The following FETUB variants were observed in gnomAD, a reference collection of about 807,000 sequenced individuals.
The protein encoded by FETUB is fetuin B.
Under a neutral mutation model 30.9 loss-of-function variants are expected in FETUB, and 28 were observed. The ratio of observed to expected loss-of-function variants is 0.90; its 90% CI spans 0.67 to 1.24. FETUB has a LOEUF of 1.24. Among genes scored for constraint, FETUB ranks in the 50% most tolerant of loss-of-function variants. The pLI, the probability that FETUB is intolerant of heterozygous loss-of-function variation, is 0.00. For synonymous variants in FETUB, 186 were observed against 175.9 expected (o/e 1.06, Z -0.45); for missense variants, 469 against 455.3 (o/e 1.03, Z -0.27).
intron 1 of FETUB, 58 bp from the exon 2 acceptor site, chr3:186,640,972 T>C (rs913752005): frequency 2.0e-5 from 22 of 1,119,344 alleles, no homozygotes; most frequent in Non-Finnish European, 3.0e-5. Flanking sequence ...TTTTGTGTGG[T>C]CTTTCTAGGT....
Position 186,652,391 on chromosome 3 carries a change from T to C in FETUB, c.909T>C (p.Ser303=), listed in dbSNP as rs367858021. The change falls in exon 7 of 7, where the codon TCT becomes TCC. Residue 303 remains serine, a synonymous_variant. Coordinates refer to ENST00000265029, the MANE Select transcript of FETUB (RefSeq NM_014375.3). ...CCTCCAAAGCTGGGCCAAGAGGATC[T>C]GTCCAATATCTTCCTGACTTGGATG... ...DSPSKAGPRG[S]VQYLPDLDDK... The C allele has an allele frequency of 2.5e-6, 4 of 1,613,676 alleles. No homozygotes were observed. In the African/African-American group the frequency reaches 5.3e-5, roughly 22 times the overall value.
upstream of FETUB, among the ~76,000 whole-genome samples, chr3:186,637,710 G>A (rs552089222): frequency 5.3e-5 from 8 of 152,358 alleles, no homozygotes; most frequent in East Asian, 1.9e-4. Context: ...AATCTGCACC[G>A]TGGGAGACAA....
At chr3:186,644,221 T>C (rs1276524661) in intron 3 of FETUB, among the ~76,000 whole-genome samples, 1 of 152,200 alleles carries the variant, frequency 6.6e-6, no homozygotes, top group Non-Finnish European at 1.5e-5. Flanking sequence ...TATCCCCCTA[T>C]CTAGCTGTAA....
upstream of FETUB, chr3:186,640,213 T>A (rs956956486): frequency 1.9e-6 from 1 of 525,208 alleles, no homozygotes; most frequent in East Asian, 3.3e-5. Flanking sequence ...CAGGAAACAG[T>A]TGGGAAACTT....
upstream of FETUB, among the ~76,000 whole-genome samples, chr3:186,637,845 C>A (rs1371792883): frequency 6.6e-6 from 1 of 152,238 alleles, no homozygotes; most frequent in East Asian, 1.9e-4. Context: ...GTCCATATTG[C>A]AACCTCAGGA....
rs535083804 is a variant in FETUB, at chr3:186,644,503, A to G, written c.425-248A>G. The stretch of plus-strand genomic sequence containing the variant: ...GGAAAAGGTCCTATTTTAATATACT[A>G]TATTATGTGTCTTTGAACAAAATTC... On this transcript the variant is annotated intron_variant, in intron 3 of 6. Transcript: ENST00000265029. 6.6e-5 allele frequency among the ~76,000 whole-genome samples: 10 copies of G among 152,308 alleles called. No homozygotes were observed. The East Asian group carries it at 1.9e-3, about 29-fold the overall frequency.
rs754151211 is a variant in FETUB, at chr3:186,641,075, A to G, written c.271A>G (p.Thr91Ala). ...LFYLTLDVLE[T>A]DCHVLRKKAW... The stretch of plus-strand genomic sequence containing the variant: ...CTATCTTACACTGGATGTGCTAGAG[A>G]CTGACTGCCATGTGCTCAGAAAGAA... Residue 91 changes from threonine to alanine, a missense_variant, in exon 2 of 7, where the codon ACT becomes GCT. Physicochemically the swap from Thr to Ala is moderately conservative, Grantham distance 58. Transcript: ENST00000265029. 6.2e-7 allele frequency: 1 copy of G among 1,613,960 alleles called. No individual in the cohort carries two copies. Among genetic ancestry groups the G allele is most frequent in the Admixed American group, 1.7e-5 (1 of 60,010 alleles).
At position 186,640,686 on chromosome 3, in the gene FETUB, G is replaced by A. The variant is rs770287860; in HGVS notation, c.225+1G>A. On this transcript the variant is annotated splice_donor_variant, in intron 1 of 6. Coordinates refer to ENST00000265029, the MANE Select transcript of FETUB (RefSeq NM_014375.3). LOFTEE classifies it high-confidence loss of function. Reference sequence around the variant, plus strand: ...GAACGACGCCCAGGAATACAGACGGGCAAGTAGGGACAGTTCCCACTCTGG... The same window carrying A: ...GAACGACGCCCAGGAATACAGACGGACAAGTAGGGACAGTTCCCACTCTGG... The A allele has an allele frequency of 6.2e-7, 1 of 1,611,926 alleles. No individual in the cohort carries two copies. Among genetic ancestry groups the A allele is most frequent in the Non-Finnish European group, 8.5e-7 (1 of 1,178,014 alleles).
Position 186,644,852 on chromosome 3 carries a change from G to A in FETUB, c.526G>A (p.Ala176Thr). The change falls in exon 4 of 7, where the codon GCG becomes ACG. Residue 176 changes from alanine to threonine, a missense_variant. Ala to Thr is a moderately conservative substitution (Grantham distance 58). Transcript: ENST00000265029. ...GCTGGAGGCTGCCACCGAGTCTCTTGCGAAATACAACAATGAGAACACATC... is the reference window on the plus strand; with the variant it reads ...GCTGGAGGCTGCCACCGAGTCTCTTACGAAATACAACAATGAGAACACATC... ...QVLEAATESL[A>T]KYNNENTSKQ... 1 of 1,613,860 alleles carries A rather than the reference G, an allele frequency of 6.2e-7. No homozygotes were observed. Among genetic ancestry groups the A allele is most frequent in the South Asian group, 1.1e-5 (1 of 91,056 alleles).
In FETUB at chr3:186,652,445, G is replaced by C; in HGVS notation, c.963G>C (p.Gln321His). The change falls in exon 7 of 7, where the codon CAG becomes CAC. Residue 321 changes from glutamine to histidine, a missense_variant. Transcript: ENST00000265029. ...DDKNSQEKGPQEAFPVHLDLT... is the reference protein window; with the variant it reads ...DDKNSQEKGPHEAFPVHLDLT... The stretch of plus-strand genomic sequence containing the variant: ...AAAATTCCCAGGAAAAGGGCCCTCA[G>C]GAGGCCTTTCCTGTGCATCTGGACC... 1 of 1,614,056 alleles carries C rather than the reference G, an allele frequency of 6.2e-7. No homozygotes were observed. The highest frequency in any genetic ancestry group is 8.5e-7 in the Non-Finnish European group (1 of 1,179,990).
intron 1 of FETUB, 27 bp from the exon 2 acceptor site, chr3:186,641,003 A>G (rs775227289): frequency 7.0e-7 from 1 of 1,426,858 alleles, no homozygotes; most frequent in East Asian, 2.3e-5. Flanking sequence ...TGTGAAATGT[A>G]TTGCATTTCT....
Position 186,640,485 on chromosome 3 carries a change from CTCT to C in FETUB, c.26_28del (p.Leu9_Cys10delinsArg). 1 of 1,614,192 alleles carries C rather than the reference CTCT, an allele frequency of 6.2e-7. No homozygotes were observed. The highest frequency in any genetic ancestry group is 8.5e-7 in the Non-Finnish European group (1 of 1,180,022). ...AATGGGTCTGCTCCTTCCCCTGGCACTCTGCATCCTAGTCCTGTGCTGCGGAGC... is the reference window on the plus strand; with the variant it reads ...AATGGGTCTGCTCCTTCCCCTGGCACGCATCCTAGTCCTGTGCTGCGGAGC... On this transcript the variant is annotated inframe_deletion, in exon 1 of 7. Coordinates refer to ENST00000265029, the MANE Select transcript of FETUB (RefSeq NM_014375.3).
chr3:186,642,199 G>T, intron 2 of FETUB: 1 of 372,816 alleles, frequency 2.7e-6, no homozygotes. Context: ...TCTGGAAATG[G>T]TTACACCTCA....
intron 6 of FETUB, 142 bp from the exon 7 acceptor site, chr3:186,652,121 C>G: frequency 1.1e-6 from 1 of 885,360 alleles, no homozygotes. Context: ...TGTTTTTTAA[C>G]CCTTTCACCA....
At chr3:186,637,199 T>C (rs1015319606), upstream of FETUB, among the ~76,000 whole-genome samples, 14 of 152,086 alleles carry the variant, frequency 9.2e-5, no homozygotes, top group African/African-American at 3.1e-4. Flanking sequence ...CAGTTTCATA[T>C]ATAGTGCCGG....
At chr3:186,650,301 C>A (rs1717916680) in intron 5 of FETUB, among the ~76,000 whole-genome samples, 1 of 151,674 alleles carries the variant, frequency 6.6e-6, no homozygotes, top group South Asian at 2.1e-4. Flanking sequence ...GAAATTGAGG[C>A]AACATTTTAT....
intron 3 of FETUB, 133 bp downstream of exon 3, chr3:186,642,691 T>A (rs1205143129): frequency 3.0e-6 from 2 of 665,880 alleles, no homozygotes; most frequent in East Asian, 2.7e-5. Flanking sequence ...TTTCTTAATA[T>A]TTCCAGTACT....
rs780199886 is a variant in FETUB at position 186,640,667 on chromosome 3, C to T, written c.207C>T (p.Asp69=). The change falls in exon 1 of 7, where the codon GAC becomes GAT. Residue 69 remains aspartate, a synonymous_variant. Coordinates refer to ENST00000265029, the MANE Select transcript of FETUB (RefSeq NM_014375.3). The part of the protein sequence containing the change: ...GYVLRLNRVN[D]AQEYRRGGLG... The stretch of plus-strand genomic sequence containing the variant: ...TGCTGAGACTCAACCGAGTGAACGA[C>T]GCCCAGGAATACAGACGGGCAAGTA... 39 of 1,613,720 alleles carry T rather than the reference C, an allele frequency of 2.4e-5. No homozygotes were observed. The highest frequency in any genetic ancestry group is 6.7e-5 in the Admixed American group (4 of 59,990).
chr3:186,636,630 T>C (rs536831567), upstream of FETUB, among the ~76,000 whole-genome samples: 1 of 152,278 alleles, frequency 6.6e-6, no homozygotes, highest in South Asian at 2.1e-4. Context: ...ATTCCAAACA[T>C]AGGATACTTC....
Sources: gnomAD v4.1 joint callset for allele counts (sites outside exome capture counted in the v4.1 genomes callset) on GRCh38, gnomAD v4.1.1 for gene constraint, MANE v1.5 for transcripts, NCBI Gene and HGNC (gene_info 2026-07-23, HGNC 2026-07-21) for gene names.